The following CNTN1 variants were observed in gnomAD, a reference collection of about 807,000 sequenced individuals.
CNTN1 encodes the protein contactin-1.
A neutral mutation model predicts 126.4 loss-of-function variants in CNTN1; 38 were observed. The ratio of observed to expected loss-of-function variants is 0.30; its 90% confidence interval spans 0.23 to 0.39. CNTN1 has a LOEUF of 0.39. Ranked by LOEUF, CNTN1 falls within the 10% of genes least tolerant of loss-of-function variation. The probability of loss-of-function intolerance (pLI) is 1.00; values close to 1 mark genes in which losing one functional copy is unlikely to be tolerated. For synonymous variants in CNTN1, 413 were observed against 422.6 expected, an observed-to-expected ratio of 0.98 and a Z score of 0.28; for missense variants, 1,009 against 1,248.4, an observed-to-expected ratio of 0.81 and a Z score of 2.89.
chr12:41,024,343 T>G (rs1948991066), intron 20 of CNTN1, among the ~76,000 whole-genome samples: 1 of 152,058 alleles, frequency 6.6e-6, no homozygotes, highest in African/African-American at 2.4e-5. Context: ...TATTCTTATA[T>G]TACATATAAC....
intron 1 of CNTN1, among the ~76,000 whole-genome samples, chr12:40,846,667 A>C (rs539599447): frequency 6.7e-6 from 1 of 149,364 alleles, no homozygotes; most frequent in South Asian, 2.2e-4. Flanking sequence ...TCCTCATTAC[A>C]GTCTTTTTCT....
chr12:40,812,456 T>C (rs1941099540), intron 1 of CNTN1, among the ~76,000 whole-genome samples: 1 of 152,130 alleles, frequency 6.6e-6, no homozygotes, highest in Non-Finnish European at 1.5e-5. Context: ...GCTGTTTTCT[T>C]ACTGATTTTC....
intron 1 of CNTN1, chr12:40,828,032 T>TAAATCTC (rs1941675989): frequency 6.6e-6 from 1 of 152,162 alleles, no homozygotes; most frequent in African/African-American, 2.4e-5. Flanking sequence ...TTGGAAGATG[T>TAAATCTC]AAATCTCCCA....
chr12:40,702,466 C>G (rs992493440), intron 1 of CNTN1, among the ~76,000 whole-genome samples: 5 of 152,098 alleles, frequency 3.3e-5, no homozygotes, highest in African/African-American at 4.8e-5. Context: ...CTCTTTGAGA[C>G]AGCGTTTCGC....
In CNTN1 at chr12:40,758,549, A is replaced by G. The variant is rs1938702287; in HGVS notation, c.-77+65957A>G. ...TTTGAAACATTTATGGACACTCCAC[A>G]TTGTAATATTTTGCATCCCAGCAAA... On this transcript the variant is annotated intron_variant, in intron 1 of 23. Transcript: ENST00000551295. 2.6e-5 allele frequency among the ~76,000 whole-genome samples: 4 copies of G among 152,096 alleles called. No individual in the cohort carries two copies. The South Asian group carries it at 8.3e-4, about 31-fold the overall frequency.
chr12:40,710,200 G>T (rs997051654), intron 1 of CNTN1, among the ~76,000 whole-genome samples: 1 of 152,048 alleles, frequency 6.6e-6, no homozygotes, highest in African/African-American at 2.4e-5. Context: ...AATCTTAGAG[G>T]CCATTGTAGG....
At chr12:40,805,692 A>C (rs1197766346) in intron 1 of CNTN1, among the ~76,000 whole-genome samples, 1 of 151,970 alleles carries the variant, frequency 6.6e-6, no homozygotes, top group African/African-American at 2.4e-5. Context: ...TTTGCTTTTG[A>C]AAATAGTTTG....
At chr12:41,009,953 A>T (rs1948603324) in intron 17 of CNTN1, among the ~76,000 whole-genome samples, 1 of 152,168 alleles carries the variant, frequency 6.6e-6, no homozygotes. Context: ...AAAGGAGTGG[A>T]ACTTTTTGGC....
intron 14 of CNTN1, among the ~76,000 whole-genome samples, chr12:40,957,702 T>A (rs774296926): frequency 1.2e-4 from 18 of 151,988 alleles, no homozygotes; most frequent in Non-Finnish European, 2.4e-4. Context: ...GTTTCAATTT[T>A]TGACCAATCT....
chr12:40,777,544 A>G (rs1466144578), intron 1 of CNTN1, among the ~76,000 whole-genome samples: 4 of 151,940 alleles, frequency 2.6e-5, no homozygotes, highest in South Asian at 4.1e-4. Context: ...AGTGAATTAG[A>G]AAAAGATTCC....
intron 15 of CNTN1, among the ~76,000 whole-genome samples, chr12:40,969,169 C>G (rs562608848): frequency 6.6e-6 from 1 of 152,248 alleles, no homozygotes; most frequent in South Asian, 2.1e-4. Flanking sequence ...CTGCCATTTC[C>G]AGTCTCGTGA....
chr12:40,864,019 C>CT (rs71434336), intron 1 of CNTN1, among the ~76,000 whole-genome samples: 4,733 of 92,534 alleles, frequency 0.051, 205 homozygotes, highest in African/African-American at 0.081. Flanking sequence ...CTCTGCTTTC[C>CT]TTTTTTTTTT....
chr12:41,003,245 T>C (rs974184384), intron 17 of CNTN1, among the ~76,000 whole-genome samples: 1 of 152,260 alleles, frequency 6.6e-6, no homozygotes, highest in African/African-American at 2.4e-5. Context: ...TGAATCACAT[T>C]TACTGATTTG....
rs184981975 is a variant in CNTN1 at position 40,921,300 on chromosome 12, C to T, written c.228-956C>T. ...GGCCAGGAAATGAGCGATGTGGCCA[C>T]GAGCCACTACTACTTGAGCGATTTG... On this transcript the variant is annotated intron_variant, in intron 4 of 23. Coordinates refer to ENST00000551295, the MANE Select transcript of CNTN1 (RefSeq NM_001843.4). Among the ~76,000 whole-genome samples, 8 of 151,862 alleles carry T rather than the reference C, an allele frequency of 5.3e-5. No homozygotes were observed. In the South Asian group the frequency reaches 1.0e-3, roughly 20 times the overall value.
chr12:40,978,633 C>T (rs974972286), intron 15 of CNTN1: 1 of 152,100 alleles, frequency 6.6e-6, no homozygotes, highest in Non-Finnish European at 1.5e-5. Context: ...TTTTGCTCAA[C>T]AATATTACCC....
rs180972755 is a variant in CNTN1, at chr12:41,020,496, G to A, written c.2523+56G>A. ...TTTATTCATAAATATATAAGCATAC[G>A]TTTTCAAATGTGTTGTATGTTTCAA... On this transcript the variant is annotated intron_variant, in intron 20 of 23. Coordinates refer to ENST00000551295, the MANE Select transcript of CNTN1 (RefSeq NM_001843.4). The A allele has an allele frequency of 1.3e-4, 147 of 1,098,288 alleles. No homozygotes were observed. In the African/African-American group the frequency reaches 1.6e-3, roughly 12 times the overall value. The allele number at this position is 1,098,288 out of a possible 1,614,324, so 68.0% of individuals were successfully genotyped here.
chr12:40,934,026 A>C, intron 9 of CNTN1, 148 bp downstream of exon 9: 1 of 697,538 alleles, frequency 1.4e-6, no homozygotes, highest in Non-Finnish European at 2.4e-6. Context: ...TATTTCTCAT[A>C]TGTCTAATGA....
chr12:41,005,770 G>T (rs1214652459), intron 17 of CNTN1, among the ~76,000 whole-genome samples: 1 of 152,080 alleles, frequency 6.6e-6, no homozygotes, highest in Non-Finnish European at 1.5e-5. Flanking sequence ...AGCTCTATCA[G>T]GTTGGTTACA....
Position 41,029,125 on chromosome 12 carries a change from A to G in CNTN1, c.2886A>G (p.Ile962Met). Residue 962 changes from isoleucine (I) to methionine (M), a missense_variant, in exon 23 of 24, where the codon ATA becomes ATG. Ile to Met is a conservative substitution (Grantham distance 10). Transcript: ENST00000551295. ...GKLYSTHKHS[I>M]EVPIPRDGEY... ...TGTATTCAACTCACAAACACTCCATAGAAGTCCCAATCCCCAGAGATGGAG... is the reference window on the plus strand; with the variant it reads ...TGTATTCAACTCACAAACACTCCATGGAAGTCCCAATCCCCAGAGATGGAG... 1.2e-6 allele frequency: 2 copies of G among 1,614,108 alleles called. No individual in the cohort carries two copies. Among genetic ancestry groups the G allele is most frequent in the Non-Finnish European group, 1.7e-6 (2 of 1,179,990 alleles).
Sources: gnomAD v4.1 joint callset for allele counts (sites outside exome capture counted in the v4.1 genomes callset) on GRCh38, gnomAD v4.1.1 for gene constraint, MANE v1.5 for transcripts, NCBI Gene and HGNC (gene_info 2026-07-23, HGNC 2026-07-21) for gene names.